The following FAH variants were observed in gnomAD, a reference collection of about 807,000 sequenced individuals.
FAH encodes fumarylacetoacetase.
Under a neutral mutation model 55.8 loss-of-function variants are expected in FAH, and 47 were observed. That is an observed-to-expected ratio of 0.84 (90% CI 0.67 to 1.07). The LOEUF is 1.07. Ranked by LOEUF, FAH falls within the 50% of genes least tolerant of loss-of-function variation. The pLI is 0.00. For missense variants in FAH, 495 were observed against 545.9 expected (o/e 0.91, Z 0.93); for synonymous variants, 199 against 207.7 (o/e 0.96, Z 0.36).
chr15:80,172,844 C>T (rs1401061201), intron 8 of FAH, among the ~76,000 whole-genome samples, 170 bp from the exon 9 acceptor site: 4 of 152,252 alleles, frequency 2.6e-5, no homozygotes, highest in African/African-American at 9.6e-5. Context: ...GACCTCTGTC[C>T]TTGGCATTGA....
Position 80,162,418 on chromosome 15 carries a change from A to G in FAH, c.455+82A>G, listed in dbSNP as rs1367619137. ...AGCATATTTGTCTCAGGAGCTGCCA[A>G]GTTCTTCTTAAAGTAAACTGGGGAG... On this transcript the variant is annotated intron_variant, in intron 5 of 13. Coordinates refer to ENST00000561421, the MANE Select transcript of FAH (RefSeq NM_000137.4). 3 of 1,221,598 alleles carry G rather than the reference A, an allele frequency of 2.5e-6. No homozygotes were observed. The African/African-American group carries it at 4.5e-5, about 18-fold the overall frequency. 75.7% of individuals were successfully genotyped at this position (1,221,598 alleles called of 1,614,324 possible). A position where few individuals can be genotyped will look rare whatever the true frequency, so the allele number is the denominator to read the frequency against.
At chr15:80,179,634 C>T (rs528290936) in intron 11 of FAH, among the ~76,000 whole-genome samples, 1 of 152,256 alleles carries the variant, frequency 6.6e-6, no homozygotes, top group Admixed American at 6.5e-5. Context: ...GTGTTTGAAT[C>T]GTTCAGCTCC....
chr15:80,178,176 C>G (rs571908164), intron 11 of FAH, among the ~76,000 whole-genome samples: 1 of 151,898 alleles, frequency 6.6e-6, no homozygotes, highest in East Asian at 2.0e-4. Context: ...TTCCAGCATG[C>G]GTGACAGAGC....
At chr15:80,170,676 G>A (rs573883543) in intron 7 of FAH, among the ~76,000 whole-genome samples, 45 of 152,366 alleles carry the variant, frequency 3.0e-4, no homozygotes, top group East Asian at 1.7e-3. Flanking sequence ...CACCTGTTGA[G>A]AGGGAGAGAG....
At chr15:80,168,019 G>A (rs771775956) in intron 5 of FAH, 33 bp from the exon 6 acceptor site, 1 of 1,547,938 alleles carries the variant, frequency 6.5e-7, no homozygotes. Flanking sequence ...TAACAGCTCT[G>A]ATGCCCTGCA....
intron 5 of FAH, among the ~76,000 whole-genome samples, chr15:80,167,752 G>A (rs767578932): frequency 2.0e-5 from 3 of 151,900 alleles, no homozygotes; most frequent in Admixed American, 6.6e-5. Context: ...GGCTGTTCTC[G>A]AACTCCTGGC....
intron 12 of FAH, among the ~76,000 whole-genome samples, 192 bp from the exon 13 acceptor site, chr15:80,180,850 C>T (rs1031348827): frequency 6.6e-6 from 1 of 152,164 alleles, no homozygotes; most frequent in African/African-American, 2.4e-5. Context: ...GCTGTCCCCA[C>T]AGGAAGAAGG....
intron 3 of FAH, 58 bp downstream of exon 3, chr15:80,159,935 G>C: frequency 1.9e-6 from 3 of 1,588,258 alleles, no homozygotes; most frequent in East Asian, 2.3e-5. Flanking sequence ...GGTGAAGGCT[G>C]TGTGGTTATC....
chr15:80,159,889 G>A lies in FAH; in HGVS notation c.314+12G>A, dbSNP rs897644297. The A allele has an allele frequency of 5.6e-6, 9 of 1,613,938 alleles. No individual in the cohort carries two copies. Among genetic ancestry groups the A allele is most frequent in the South Asian group, 1.1e-5 (1 of 91,060 alleles). ...GAACTTCGGAAGTGGTGAGAAGCAC[G>A]TGGTCATAGGGGGGATGAGGGGATG... is the stretch of plus-strand genomic sequence containing the variant. On this transcript the variant is annotated intron_variant, in intron 3 of 13. Transcript: ENST00000561421.
chr15:80,175,990 C>T (rs979751237), intron 10 of FAH, among the ~76,000 whole-genome samples: 2 of 152,206 alleles, frequency 1.3e-5, no homozygotes, highest in Non-Finnish European at 2.9e-5. Context: ...CTTTTTAGCT[C>T]CATTCCATTC....
At chr15:80,175,474 C>T (rs1309350906) in intron 10 of FAH, among the ~76,000 whole-genome samples, 1 of 152,196 alleles carries the variant, frequency 6.6e-6, no homozygotes, top group Non-Finnish European at 1.5e-5. Context: ...TGTTTGAAAG[C>T]ATGTCCTTGT....
intron 4 of FAH, 31 bp from the exon 5 acceptor site, chr15:80,162,215 T>G (rs756177856): frequency 6.4e-7 from 1 of 1,566,720 alleles, no homozygotes; most frequent in East Asian, 2.2e-5. Flanking sequence ...TGTGGGTTGC[T>G]GATGGGATCT....
intron 7 of FAH, among the ~76,000 whole-genome samples, chr15:80,170,666 C>G (rs993400949): frequency 2.0e-5 from 3 of 152,222 alleles, no homozygotes; most frequent in African/African-American, 4.8e-5. Context: ...GCAGACACTT[C>G]ACCTGTTGAG....
chr15:80,182,736 G>A (rs2041341458), intron 13 of FAH, among the ~76,000 whole-genome samples: 1 of 152,192 alleles, frequency 6.6e-6, no homozygotes, highest in Admixed American at 6.5e-5. Context: ...CCACAACTGG[G>A]GAAGCCAGTC....
At chr15:80,155,619 G>A (rs1441983187) in intron 1 of FAH, among the ~76,000 whole-genome samples, 1 of 152,192 alleles carries the variant, frequency 6.6e-6, no homozygotes, top group African/African-American at 2.4e-5. Context: ...GAGATAAAGA[G>A]AGAACAGCTG....
chr15:80,155,872 A>C (rs1480288830), intron 1 of FAH: 2 of 471,174 alleles, frequency 4.2e-6, no homozygotes, highest in Admixed American at 2.3e-5. Flanking sequence ...TATAAGAAAG[A>C]TCAAAGACTT....
rs973944151 is a variant in FAH at position 80,156,027 on chromosome 15, C to T, written c.82-2033C>T. 22 of 410,096 alleles carry T rather than the reference C, an allele frequency of 5.4e-5. 1 individual carries two copies. The Middle Eastern group carries it at 2.4e-3, about 44-fold the overall frequency. The allele number at this position is 410,096 out of a possible 1,614,324, so 25.4% of individuals were successfully genotyped here. On this transcript the variant is annotated intron_variant, in intron 1 of 13. Coordinates refer to ENST00000561421, the MANE Select transcript of FAH (RefSeq NM_000137.4). ...AGGGGTTTAGGCCTCCAGATGACTGCGGGCAGGCCTGGATAATATCCAGCC... is the reference window on the plus strand; with the variant it reads ...AGGGGTTTAGGCCTCCAGATGACTGTGGGCAGGCCTGGATAATATCCAGCC...
At chr15:80,172,591 G>A (rs2041250506) in intron 8 of FAH, among the ~76,000 whole-genome samples, 1 of 152,190 alleles carries the variant, frequency 6.6e-6, no homozygotes, top group African/African-American at 2.4e-5. Flanking sequence ...TTTTACAGAT[G>A]AGGAACTGAG....
At chr15:80,176,941 G>C (rs549068141) in intron 10 of FAH, among the ~76,000 whole-genome samples, 22 of 152,350 alleles carry the variant, frequency 1.4e-4, no homozygotes, top group African/African-American at 4.6e-4. Context: ...TGCCACCTCA[G>C]AGGGGAAGTT....
Sources: allele counts gnomAD v4.1 joint callset (sites outside exome capture counted in the v4.1 genomes callset), GRCh38; gene constraint gnomAD v4.1.1; transcripts MANE v1.5; gene names NCBI Gene and HGNC (gene_info 2026-07-23, HGNC 2026-07-21).